The following MICU2 variants were observed in gnomAD, a reference collection of about 807,000 sequenced individuals.
MICU2 encodes mitochondrial calcium uptake 2, also known as calcium uptake protein 2, mitochondrial.
Under a neutral mutation model 60.4 loss-of-function variants are expected in MICU2, and 64 were observed. That is an observed-to-expected ratio of 1.06 (90% CI 0.87 to 1.31). The LOEUF is 1.31. MICU2 is among the 50% of genes most tolerant of loss of function. The pLI is 0.00. For missense variants in MICU2, 569 were observed against 531.0 expected (o/e 1.07, Z -0.70); for synonymous variants, 201 against 175.0 (o/e 1.15, Z -1.17).
chr13:21,597,956 C>G (rs1298829852), intron 1 of MICU2, among the ~76,000 whole-genome samples: 1 of 132,534 alleles, frequency 7.5e-6, no homozygotes, highest in Admixed American at 7.5e-5. Flanking sequence ...AAAAGAATTT[C>G]AAAGAGCGAT....
intron 6 of MICU2, among the ~76,000 whole-genome samples, chr13:21,517,770 G>GACACACACACACACAC (rs374373614): frequency 4.8e-4 from 69 of 144,610 alleles, no homozygotes; most frequent in African/African-American, 1.7e-3. Flanking sequence ...ACAGAGCGAG[G>GACACACACACACACAC]ACACACACAC....
chr13:21,603,000 C>T (rs1233592119), intron 1 of MICU2, among the ~76,000 whole-genome samples: 3 of 147,470 alleles, frequency 2.0e-5, no homozygotes, highest in South Asian at 2.1e-4. Context: ...CGGAGTTTCG[C>T]TCTTGTAGCT....
At chr13:21,515,545 A>T (rs1886550468) in intron 6 of MICU2, 1 of 442,428 alleles carries the variant, frequency 2.3e-6, no homozygotes, top group African/African-American at 2.0e-5. Flanking sequence ...TGCCTTTCAG[A>T]ATCAATTGTA....
chr13:21,542,524 A>C (rs896118309), intron 2 of MICU2, among the ~76,000 whole-genome samples: 1 of 152,146 alleles, frequency 6.6e-6, no homozygotes, highest in Non-Finnish European at 1.5e-5. Flanking sequence ...TTTCACAGCT[A>C]TTTGATATGT....
At chr13:21,530,802 C>T (rs1307927260) in intron 4 of MICU2, 27 of 688,318 alleles carry the variant, frequency 3.9e-5, no homozygotes, top group South Asian at 6.5e-5. Flanking sequence ...GAAGAGATGG[C>T]GGCCGAGGCC....
At chr13:21,580,271 A>G (rs1270662188) in intron 1 of MICU2, among the ~76,000 whole-genome samples, 1 of 152,236 alleles carries the variant, frequency 6.6e-6, no homozygotes, top group Non-Finnish European at 1.5e-5. Flanking sequence ...TGCAGGTTAA[A>G]GAAAAATCTT....
chr13:21,540,306 T>G (rs886284109), intron 2 of MICU2, among the ~76,000 whole-genome samples: 2 of 152,012 alleles, frequency 1.3e-5, no homozygotes, highest in African/African-American at 4.8e-5. Context: ...CATTGTTTCT[T>G]TTTTTTAGGA....
chr13:21,543,968 AAC>A (rs781469171), intron 2 of MICU2, among the ~76,000 whole-genome samples: 93 of 152,034 alleles, frequency 6.1e-4, no homozygotes, highest in Non-Finnish European at 9.7e-4. Context: ...TAAAAACAGA[AAC>A]ACAGACCAAC....
chr13:21,521,285 G>C lies in MICU2; in HGVS notation c.557C>G (p.Thr186Arg). ...GFHVAFKMLDTDGNEMIEKRE... is the reference protein window; with the variant it reads ...GFHVAFKMLDRDGNEMIEKRE... Reference sequence around the variant, plus strand: ...TTTTTCAATCATCTCATTACCATCTGTATCCAGCATTTTAAAAGCAACATG... The same window carrying C: ...TTTTTCAATCATCTCATTACCATCTCTATCCAGCATTTTAAAAGCAACATG... Residue 186 changes from threonine to arginine, a missense_variant, in exon 6 of 12, where the codon ACA (threonine) becomes AGA (arginine). Coordinates refer to ENST00000382374, the MANE Select transcript of MICU2 (RefSeq NM_152726.3). 1 of 1,610,106 alleles carries C rather than the reference G, an allele frequency of 6.2e-7. No individual in the cohort carries two copies. The highest frequency in any genetic ancestry group is 8.5e-7 in the Non-Finnish European group (1 of 1,178,716).
At position 21,495,243 on chromosome 13, in the gene MICU2, A is replaced by T; in HGVS notation, c.1118T>A (p.Ile373Asn). The T allele has an allele frequency of 6.2e-7, 1 of 1,613,608 alleles. No homozygotes were observed. The highest frequency in any genetic ancestry group is 8.5e-7 in the Non-Finnish European group (1 of 1,179,744). The change falls in exon 11 of 12, where the codon ATC (isoleucine) becomes AAC (asparagine). Residue 373 changes from isoleucine (I) to asparagine (N), a missense_variant. Transcript: ENST00000382374. Reference sequence around the variant, plus strand: ...ACATTCATCACCATCCAAATCAAAGATCTTAAAGACAGTGTCCAAAATATT... The same window carrying T: ...ACATTCATCACCATCCAAATCAAAGTTCTTAAAGACAGTGTCCAAAATATT... The part of the protein sequence containing the change: ...SNNILDTVFK[I>N]FDLDGDECLS...
chr13:21,508,299 G>GTA (rs1886343717), intron 8 of MICU2, among the ~76,000 whole-genome samples: 1 of 151,760 alleles, frequency 6.6e-6, no homozygotes. Context: ...CTAATTTTTT[G>GTA]TATTTTTAGT....
chr13:21,534,041 T>G (rs964618733), intron 4 of MICU2, among the ~76,000 whole-genome samples: 1 of 148,258 alleles, frequency 6.7e-6, no homozygotes, highest in African/African-American at 2.5e-5. Flanking sequence ...TGAGCCAAGA[T>G]CACGCCACTG....
chr13:21,580,813 C>T (rs931407113), intron 1 of MICU2, among the ~76,000 whole-genome samples: 1 of 152,140 alleles, frequency 6.6e-6, no homozygotes, highest in Non-Finnish European at 1.5e-5. Flanking sequence ...TACCCCAACT[C>T]ACTTACAGGC....
At chr13:21,522,705 A>G in intron 4 of MICU2, 55 bp from the exon 5 acceptor site, 1 of 1,236,486 alleles carries the variant, frequency 8.1e-7, no homozygotes, top group Non-Finnish European at 1.1e-6. Context: ...TAGAATATAT[A>G]GAGACATTAA....
intron 11 of MICU2, among the ~76,000 whole-genome samples, chr13:21,494,452 G>C (rs544467443): frequency 6.6e-6 from 1 of 152,286 alleles, no homozygotes; most frequent in East Asian, 1.9e-4. Flanking sequence ...GTGACTTTGA[G>C]TGAATAATGC....
intron 11 of MICU2, among the ~76,000 whole-genome samples, chr13:21,494,812 G>A (rs1317111171): frequency 1.3e-5 from 2 of 152,040 alleles, no homozygotes; most frequent in South Asian, 2.1e-4. Context: ...TTACAGATGT[G>A]AGCCACCATG....
At chr13:21,539,763 AT>A (rs1448249647) in intron 2 of MICU2, 75 bp from the exon 3 acceptor site, 1 of 1,329,502 alleles carries the variant, frequency 7.5e-7, no homozygotes, top group East Asian at 2.3e-5. Context: ...AAAGAAAATT[AT>A]TTAAAAGACA....
chr13:21,495,999 T>C, intron 10 of MICU2, 53 bp downstream of exon 10: 3 of 1,276,482 alleles, frequency 2.4e-6, no homozygotes, highest in South Asian at 1.3e-5. Flanking sequence ...TTGAAGAATA[T>C]AGTAAAACTG....
intron 8 of MICU2, among the ~76,000 whole-genome samples, chr13:21,507,871 G>A (rs1405554223): frequency 2.0e-5 from 3 of 151,826 alleles, no homozygotes; most frequent in African/African-American, 4.8e-5. Flanking sequence ...CTAAAGTGCT[G>A]GGATACAGAC....
Sources: allele counts gnomAD v4.1 joint callset (sites outside exome capture counted in the v4.1 genomes callset), GRCh38; gene constraint gnomAD v4.1.1; transcripts MANE v1.5; gene names NCBI Gene and HGNC (gene_info 2026-07-23, HGNC 2026-07-21).